Variants in SLIT3 observed in about 807,000 individuals in gnomAD.
SLIT3 encodes slit guidance ligand 3.
A neutral mutation model predicts 184.0 loss-of-function variants in SLIT3; 68 were observed. The ratio of observed to expected loss-of-function variants is 0.37; its 90% confidence interval spans 0.30 to 0.45. The LOEUF (loss-of-function observed/expected upper bound fraction) is 0.45. SLIT3 is among the 20% of genes least tolerant of loss of function. The probability of loss-of-function intolerance (pLI) is 1.00; values close to 1 mark genes in which losing one functional copy is unlikely to be tolerated. For missense variants in SLIT3, 1,707 were observed against 2,026.0 expected, an observed-to-expected ratio of 0.84 and a Z score of 3.02; for synonymous variants, 831 against 828.6, an observed-to-expected ratio of 1.00 and a Z score of -0.05.
intron 4 of SLIT3, among the ~76,000 whole-genome samples, chr5:168,992,205 TAG>T (rs770410107): frequency 4.6e-5 from 7 of 152,200 alleles, no homozygotes; most frequent in Non-Finnish European, 7.3e-5. Flanking sequence ...TCCTGCGTTT[TAG>T]TCAGACACTT....
At chr5:169,069,226 G>GT (rs368467952) in intron 4 of SLIT3, among the ~76,000 whole-genome samples, 16 of 152,356 alleles carry the variant, frequency 1.1e-4, no homozygotes, top group Middle Eastern at 3.4e-3. Flanking sequence ...CCTGAGAGGG[G>GT]TCTGGAGTGC....
At chr5:168,932,385 CACACA>C (rs1762017250) in intron 4 of SLIT3, among the ~76,000 whole-genome samples, 6 of 148,970 alleles carry the variant, frequency 4.0e-5, no homozygotes, top group Admixed American at 2.7e-4. Context: ...CACACACACA[CACACA>C]CTACACACAC....
rs1554096284 is a variant in SLIT3, at chr5:169,079,819, A to AGGAGGAG, written c.413+113659_413+113660insCTCCTCC. 1.2e-4 allele frequency among the ~76,000 whole-genome samples: 2 copies of AGGAGGAG among 16,342 alleles called. 1 individual carries two copies. The highest frequency in any genetic ancestry group is 1.7e-3 in the Admixed American group (2 of 1,206). 10.7% of individuals were successfully genotyped at this position (16,342 alleles called of 152,430 possible). ...GGGAGGAAGAGGGAAGGGGAAGAGGAGGAGGGAGGAGGAGGAGGGAGGGAG... is the reference window on the plus strand; with the variant it reads ...GGGAGGAAGAGGGAAGGGGAAGAGGAGGAGGAGGGAGGGAGGAGGAGGAGGGAGGGAG... On this transcript the variant is annotated intron_variant, in intron 4 of 35. Transcript: ENST00000519560.
At chr5:169,150,960 C>T (rs1044442742) in intron 4 of SLIT3, among the ~76,000 whole-genome samples, 20 of 152,112 alleles carry the variant, frequency 1.3e-4, no homozygotes, top group Non-Finnish European at 2.6e-4. Context: ...AAAACTCAAA[C>T]CTTTTCTGAC....
chr5:168,917,955 G>A (rs1235088805), intron 4 of SLIT3, among the ~76,000 whole-genome samples: 1 of 152,200 alleles, frequency 6.6e-6, no homozygotes, highest in African/African-American at 2.4e-5. Flanking sequence ...AAGAAAGAGG[G>A]AGTATGGATT....
At chr5:168,957,917 C>G (rs1489131850) in intron 4 of SLIT3, among the ~76,000 whole-genome samples, 1 of 152,130 alleles carries the variant, frequency 6.6e-6, no homozygotes, top group Non-Finnish European at 1.5e-5. Flanking sequence ...ATAAAACAAC[C>G]CAGTTTGGTT....
At chr5:169,214,497 G>A (rs1159570969) in intron 3 of SLIT3, among the ~76,000 whole-genome samples, 2 of 152,190 alleles carry the variant, frequency 1.3e-5, no homozygotes, top group African/African-American at 4.8e-5. Context: ...TGACTGGGAG[G>A]GCCCTCTGGA....
intron 3 of SLIT3, among the ~76,000 whole-genome samples, chr5:169,233,349 T>G (rs1765076960): frequency 6.6e-6 from 1 of 152,148 alleles, no homozygotes; most frequent in South Asian, 2.1e-4. Flanking sequence ...GGTGCTATTG[T>G]AAACATAGTT....
At chr5:168,770,132 C>T (rs148311234) in intron 14 of SLIT3, among the ~76,000 whole-genome samples, 136 of 152,286 alleles carry the variant, frequency 8.9e-4, no homozygotes, top group Middle Eastern at 3.4e-3. Flanking sequence ...GGCAGCCAGA[C>T]GGAGCCTTTT....
At chr5:168,968,372 T>C (rs530188269) in intron 4 of SLIT3, among the ~76,000 whole-genome samples, 5 of 152,340 alleles carry the variant, frequency 3.3e-5, no homozygotes, top group African/African-American at 1.2e-4. Context: ...GCTCCAGACT[T>C]CACACTTGGA....
intron 1 of SLIT3, among the ~76,000 whole-genome samples, chr5:169,256,981 T>C (rs1765981058): frequency 1.3e-5 from 2 of 151,748 alleles, no homozygotes; most frequent in Non-Finnish European, 1.5e-5. Context: ...GGCAGACTGG[T>C]GAGTTGTTTT....
chr5:169,152,690 T>C (rs114805664), intron 4 of SLIT3, among the ~76,000 whole-genome samples: 8,184 of 152,286 alleles, frequency 0.054, 255 homozygotes, highest in Middle Eastern at 0.11. Context: ...GCCTGCCCAG[T>C]GTATCCAATA....
intron 2 of SLIT3, among the ~76,000 whole-genome samples, chr5:169,245,255 C>T (rs1765548914): frequency 6.6e-6 from 1 of 152,090 alleles, no homozygotes; most frequent in African/African-American, 2.4e-5. Context: ...GTCCCAGGAA[C>T]TCCTCTCACT....
chr5:169,047,777 T>C (rs1757675614), intron 4 of SLIT3, among the ~76,000 whole-genome samples: 1 of 152,156 alleles, frequency 6.6e-6, no homozygotes, highest in African/African-American at 2.4e-5. Context: ...CCCCAGCTGC[T>C]CTTCCCGCTG....
intron 4 of SLIT3, among the ~76,000 whole-genome samples, chr5:168,895,436 A>G (rs1237021463): frequency 6.6e-6 from 1 of 152,178 alleles, no homozygotes; most frequent in East Asian, 1.9e-4. Flanking sequence ...ACCATTAAAC[A>G]AGTGAAACCT....
chr5:168,812,672 T>C (rs1284064910), intron 8 of SLIT3, among the ~76,000 whole-genome samples: 1 of 152,190 alleles, frequency 6.6e-6, no homozygotes, highest in Admixed American at 6.5e-5. Context: ...AACAACAGAC[T>C]GCGATGACAA....
At chr5:168,924,974 C>A (rs1194882306) in intron 4 of SLIT3, among the ~76,000 whole-genome samples, 1 of 152,184 alleles carries the variant, frequency 6.6e-6, no homozygotes, top group African/African-American at 2.4e-5. Flanking sequence ...AAGATGAAAT[C>A]AGCCCTGATT....
At chr5:169,166,942 A>G (rs1210280579) in intron 4 of SLIT3, among the ~76,000 whole-genome samples, 1 of 152,154 alleles carries the variant, frequency 6.6e-6, no homozygotes, top group Non-Finnish European at 1.5e-5. Flanking sequence ...CTGAGGTGAG[A>G]GGATGCTTGA....
At chr5:169,289,956 A>T (rs1215774822) in intron 1 of SLIT3, among the ~76,000 whole-genome samples, 2 of 151,944 alleles carry the variant, frequency 1.3e-5, no homozygotes, top group African/African-American at 4.8e-5. Context: ...GGCATACGCT[A>T]AGGCACACAC....
Sources: allele counts gnomAD v4.1 joint callset (sites outside exome capture counted in the v4.1 genomes callset), GRCh38; gene constraint gnomAD v4.1.1; transcripts MANE v1.5; gene names NCBI Gene and HGNC (gene_info 2026-07-23, HGNC 2026-07-21).